Variants in TNRC18 observed in about 807,000 individuals in gnomAD.
TNRC18 encodes trinucleotide repeat-containing gene 18 protein.
Under a neutral mutation model 226.7 loss-of-function variants are expected in TNRC18, and 69 were observed. The ratio of observed to expected loss-of-function variants is 0.30; its 90% CI spans 0.25 to 0.37. The LOEUF (loss-of-function observed/expected upper bound fraction) is 0.37, where lower values mean the gene tolerates loss of function less well. TNRC18 is among the 10% of genes least tolerant of loss of function. The probability of loss-of-function intolerance (pLI) is 1.00; values close to 1 mark genes in which losing one functional copy is unlikely to be tolerated. For synonymous variants in TNRC18, 2,449 were observed against 1,927.6 expected (o/e 1.27, Z -7.09); for missense variants, 4,754 against 4,256.6 (o/e 1.12, Z -3.25).
At chr7:5,412,165 CG>C (rs1781882433) in intron 2 of TNRC18, among the ~76,000 whole-genome samples, 1 of 143,118 alleles carries the variant, frequency 7.0e-6, no homozygotes, top group African/African-American at 2.6e-5. Context: ...CTCCAGCCTG[CG>C]TAACAGAGCG....
chr7:5,423,010 A>C (rs1004443514), intron 1 of TNRC18: 10 of 152,228 alleles, frequency 6.6e-5, no homozygotes, highest in African/African-American at 1.7e-4. Context: ...ACTGGCAAAG[A>C]AGCTGCCTCG....
Position 5,362,768 on chromosome 7 carries a change from C to A in TNRC18, c.4277G>T (p.Ser1426Ile). 6.4e-7 allele frequency: 1 copy of A among 1,570,408 alleles called. No homozygotes were observed. ...ATCCAGCACCTCCCTCAGCATGTGG[C>A]TGCCAGCTGCCAGCAGACTCTCCAG... Reference protein sequence around the residue: ...PSLESLLAAGSHMLREVLDGP... With the variant: ...PSLESLLAAGIHMLREVLDGP... The change falls in exon 12 of 30, where the codon AGC becomes ATC. Residue 1426 changes from serine to isoleucine, a missense_variant. By Grantham distance (142) the Ser-to-Ile change is moderately radical (BLOSUM62 -2). Coordinates refer to ENST00000430969, the MANE Select transcript of TNRC18 (RefSeq NM_001080495.3).
rs561922517 is a variant in TNRC18 at position 5,316,173 on chromosome 7, G to A, written c.6746-101C>T. ...AGAAACCGGCCCCTGTGCAGCCCTG[G>A]TCTCTATGGTACAGCAGTGGGGACA... On this transcript the variant is annotated intron_variant, in intron 24 of 29. Coordinates refer to ENST00000430969, the MANE Select transcript of TNRC18 (RefSeq NM_001080495.3). The A allele has an allele frequency of 7.0e-5, 57 of 813,464 alleles. No homozygotes were observed. The South Asian group carries it at 8.8e-4, about 13-fold the overall frequency. 50.4% of individuals were successfully genotyped at this position (813,464 alleles called of 1,614,324 possible). A position where few individuals can be genotyped will look rare whatever the true frequency, so the allele number is the denominator to read the frequency against.
At chr7:5,315,898 G>A (rs535250108) in intron 25 of TNRC18, 58 bp downstream of exon 25, 57 of 1,348,132 alleles carry the variant, frequency 4.2e-5, no homozygotes, top group East Asian at 1.0e-4. Flanking sequence ...CTTGGAGGGC[G>A]AGAGCCTGGG....
intron 11 of TNRC18, among the ~76,000 whole-genome samples, chr7:5,365,022 T>C (rs1583927657): frequency 7.5e-6 from 1 of 134,214 alleles, no homozygotes; most frequent in African/African-American, 3.0e-5. Context: ...CGCAGAATCA[T>C]GTGGGGGGGC....
intron 10 of TNRC18, among the ~76,000 whole-genome samples, chr7:5,372,279 A>G (rs1249897050): frequency 4.7e-5 from 7 of 147,652 alleles, no homozygotes; most frequent in South Asian, 2.1e-4. Flanking sequence ...GGGTTTCACC[A>G]TGTTAGCCAG....
intron 3 of TNRC18, among the ~76,000 whole-genome samples, chr7:5,392,620 A>G (rs1011045707): frequency 7.9e-5 from 12 of 152,026 alleles, no homozygotes; most frequent in African/African-American, 2.9e-4. Flanking sequence ...CATTTCAAAA[A>G]ATAAATAAAT....
chr7:5,336,976 T>C (rs753591924), intron 18 of TNRC18, among the ~76,000 whole-genome samples: 9 of 152,322 alleles, frequency 5.9e-5, no homozygotes, highest in South Asian at 4.1e-4. Flanking sequence ...TTTTCCTCAA[T>C]AGCTGAAATC....
At chr7:5,333,794 G>A (rs1306626639) in intron 18 of TNRC18, among the ~76,000 whole-genome samples, 1 of 152,180 alleles carries the variant, frequency 6.6e-6, no homozygotes, top group Non-Finnish European at 1.5e-5. Flanking sequence ...AAGTCCTTCA[G>A]AAGGAGACCC....
chr7:5,312,755 G>A lies in TNRC18; in HGVS notation c.8136C>T (p.Pro2712=), dbSNP rs756687025. ...TCTTCTTGCCTGGGGAGTGGGCCGA[G>A]GGCCGCGCCTTGCCGGCCTGCTTGG... ...KATKQAGKAR[P]SAHSPGKKTP... is the part of the protein sequence containing the mutation. Residue 2712 remains proline, a synonymous_variant, in exon 27 of 30, where the codon CCC becomes CCT. Transcript: ENST00000430969. This position sits in a 1 kb window ranked among gnomAD's most constrained non-coding sequence, Gnocchi z 6.3. The A allele has an allele frequency of 1.3e-6, 2 of 1,536,358 alleles. No homozygotes were observed. Among genetic ancestry groups the A allele is most frequent in the South Asian group, 1.3e-5 (1 of 77,852 alleles).
intron 2 of TNRC18, among the ~76,000 whole-genome samples, chr7:5,402,213 G>A (rs1781153736): frequency 6.7e-6 from 1 of 148,592 alleles, no homozygotes; most frequent in Admixed American, 6.7e-5. Flanking sequence ...AACAGCCTGG[G>A]CAACAGAGCA....
chr7:5,363,540 C>G (rs1182446267), intron 11 of TNRC18, among the ~76,000 whole-genome samples: 1 of 152,036 alleles, frequency 6.6e-6, no homozygotes, highest in Admixed American at 6.5e-5. Context: ...GGAGGCGGAG[C>G]TTGCAGTAAG....
intron 3 of TNRC18, 67 bp from the exon 4 acceptor site, chr7:5,390,695 C>G (rs1780229409): frequency 2.8e-6 from 4 of 1,438,648 alleles, no homozygotes; most frequent in Non-Finnish European, 3.7e-6. Context: ...TTCCTTCCAG[C>G]TCCTGGAAAT....
intron 4 of TNRC18, 125 bp from the exon 5 acceptor site, chr7:5,389,461 G>GTGTTTTT (rs1554297481): frequency 1.9e-6 from 1 of 519,656 alleles, no homozygotes; most frequent in African/African-American, 2.8e-5. Context: ...TTTGGTTTTG[G>GTGTTTTT]TTTTTTTTTT....
chr7:5,418,457 C>A (rs1584134898), intron 2 of TNRC18, among the ~76,000 whole-genome samples: 1 of 152,136 alleles, frequency 6.6e-6, no homozygotes, highest in South Asian at 2.1e-4. Flanking sequence ...GGATGGGATT[C>A]CTCCCCGGGG....
rs1190784484 is a variant in TNRC18, at chr7:5,376,187, C to T, written c.2646G>A (p.Trp882Ter). The change falls in exon 9 of 30, where the codon TGG becomes TGA. Residue 882 changes from tryptophan to a stop codon, truncating the protein, a stop_gained. Coordinates refer to ENST00000430969, the MANE Select transcript of TNRC18 (RefSeq NM_001080495.3). LOFTEE classifies it high-confidence loss of function. ...LMERATVPPL[W>*]PALYPPGRSP... ...TGCGGCCCGGCGGGTACAGGGCGGGCCAGAGGGGCGGTACGGTGGCCCGCT... is the reference window on the plus strand; with the variant it reads ...TGCGGCCCGGCGGGTACAGGGCGGGTCAGAGGGGCGGTACGGTGGCCCGCT... 2 of 1,551,886 alleles carry T rather than the reference C, an allele frequency of 1.3e-6. No individual in the cohort carries two copies. Among genetic ancestry groups the T allele is most frequent in the Non-Finnish European group, 1.7e-6 (2 of 1,150,866 alleles).
intron 2 of TNRC18, among the ~76,000 whole-genome samples, chr7:5,408,132 T>A (rs570479097): frequency 4.5e-4 from 69 of 152,104 alleles, no homozygotes; most frequent in African/African-American, 1.7e-3. Context: ...AAACGCCGTC[T>A]CTGCTAAAAT....
chr7:5,402,900 G>A (rs1303578348), intron 2 of TNRC18, among the ~76,000 whole-genome samples: 1 of 151,956 alleles, frequency 6.6e-6, no homozygotes, highest in East Asian at 1.9e-4. Context: ...GCAAGGTCCT[G>A]ATTAGCTGGA....
At chr7:5,335,835 GA>G (rs61412615) in intron 18 of TNRC18, among the ~76,000 whole-genome samples, 4,416 of 125,752 alleles carry the variant, frequency 0.035, 189 homozygotes, top group African/African-American at 0.14. Flanking sequence ...ATATTCACTG[GA>G]AAAAAAAAAA....
Sources: gnomAD v4.1 joint callset for allele counts (sites outside exome capture counted in the v4.1 genomes callset) on GRCh38, gnomAD v4.1.1 for gene constraint, Gnocchi (gnomAD v3.1) non-coding constraint, MANE v1.5 for transcripts, NCBI Gene and HGNC (gene_info 2026-07-23, HGNC 2026-07-21) for gene names.